CHEK2: variants seen among roughly 807,000 people sequenced by gnomAD.
The protein encoded by CHEK2 is serine/threonine-protein kinase Chk2.
CHEK2 carries 71 observed loss-of-function variants against 69.1 expected under a neutral mutation model. The observed-to-expected ratio is 1.03, with a 90% CI of 0.85 to 1.25. The LOEUF is 1.25. CHEK2 is among the 50% of genes most tolerant of loss of function. The probability of loss-of-function intolerance (pLI) is 0.00; values close to 1 mark genes in which losing one functional copy is unlikely to be tolerated. For missense variants in CHEK2, 664 were observed against 649.6 expected (o/e 1.02, Z -0.24); for synonymous variants, 189 against 226.9 (o/e 0.83, Z 1.50).
At chr22:28,729,927 T>C (rs115539291) in intron 2 of CHEK2, among the ~76,000 whole-genome samples, 1,870 of 150,878 alleles carry the variant, frequency 0.012, 47 homozygotes, top group African/African-American at 0.043. Flanking sequence ...CAGAAAGCAT[T>C]TTTTTTTTCT....
chr22:28,739,668 G>A (rs1053205397), intron 1 of CHEK2, among the ~76,000 whole-genome samples: 5 of 151,612 alleles, frequency 3.3e-5, no homozygotes, highest in African/African-American at 4.8e-5. Context: ...CAGCCTGGGC[G>A]ACAGAGTAAG....
At chr22:28,716,491 C>T (rs188781651) in intron 5 of CHEK2, among the ~76,000 whole-genome samples, 3 of 152,234 alleles carry the variant, frequency 2.0e-5, no homozygotes, top group East Asian at 1.9e-4. Flanking sequence ...GCCACCGTGC[C>T]CAGCCCATAC....
At chr22:28,715,098 T>A (rs929801403) in intron 5 of CHEK2, among the ~76,000 whole-genome samples, 10 of 152,218 alleles carry the variant, frequency 6.6e-5, no homozygotes, top group African/African-American at 2.4e-4. Flanking sequence ...CAGCCAGAGT[T>A]GCCCTTGAAA....
intron 7 of CHEK2, among the ~76,000 whole-genome samples, chr22:28,709,805 A>C (rs2053316785): frequency 6.6e-6 from 1 of 152,048 alleles, no homozygotes; most frequent in South Asian, 2.1e-4. Context: ...TTTAGTAGAC[A>C]GGGTTTCACC....
At chr22:28,726,855 C>A (rs1031906872) in intron 2 of CHEK2, among the ~76,000 whole-genome samples, 5 of 148,022 alleles carry the variant, frequency 3.4e-5, no homozygotes, top group Non-Finnish European at 7.4e-5. Flanking sequence ...TACCCCTCTC[C>A]CCTTGCTCAT....
chr22:28,728,983 G>A (rs80180694), intron 2 of CHEK2, among the ~76,000 whole-genome samples: 13 of 140,916 alleles, frequency 9.2e-5, no homozygotes, highest in African/African-American at 3.1e-4. Flanking sequence ...TCAAAAAAAA[G>A]AAAAAAGAAA....
intron 9 of CHEK2, among the ~76,000 whole-genome samples, chr22:28,699,243 T>A (rs1437436825): frequency 6.6e-6 from 1 of 152,110 alleles, no homozygotes; most frequent in African/African-American, 2.4e-5. Flanking sequence ...GCTCAAGTGA[T>A]CCTCCTGCCT....
At chr22:28,691,660 C>CAA (rs1302387937) in intron 13 of CHEK2, among the ~76,000 whole-genome samples, 1 of 152,218 alleles carries the variant, frequency 6.6e-6, no homozygotes, top group Non-Finnish European at 1.5e-5. Flanking sequence ...TGCACCAGTG[C>CAA]ACTCCAGTTT....
At chr22:28,701,952 C>A (rs2052868680) in intron 8 of CHEK2, among the ~76,000 whole-genome samples, 1 of 103,462 alleles carries the variant, frequency 9.7e-6, no homozygotes, top group Non-Finnish European at 2.0e-5. Context: ...ATCCCATATA[C>A]TATTTTTTTT....
chr22:28,708,540 G>C (rs1431551082), intron 7 of CHEK2, among the ~76,000 whole-genome samples: 1 of 152,048 alleles, frequency 6.6e-6, no homozygotes, highest in Non-Finnish European at 1.5e-5. Context: ...TCCACTCACA[G>C]AGTTCTAAAG....
intron 1 of CHEK2, among the ~76,000 whole-genome samples, chr22:28,738,477 C>A (rs1323043411): frequency 6.6e-6 from 1 of 152,136 alleles, no homozygotes; most frequent in Non-Finnish European, 1.5e-5. Context: ...TTCTCTAAAC[C>A]TGTTTTCTCA....
chr22:28,702,141 G>GTGTGTC (rs1022955343), intron 8 of CHEK2, among the ~76,000 whole-genome samples: 1 of 142,498 alleles, frequency 7.0e-6, no homozygotes, highest in Non-Finnish European at 1.6e-5. Context: ...GTGTCTGTGT[G>GTGTGTC]TGTGTGTGTG....
intron 6 of CHEK2, among the ~76,000 whole-genome samples, chr22:28,710,386 T>G (rs1458277120): frequency 6.6e-6 from 1 of 152,204 alleles, no homozygotes. Flanking sequence ...CTTGCCCTAG[T>G]CTCCACAGTC....
At chr22:28,723,014 GTTTC>G (rs1173816926) in intron 4 of CHEK2, among the ~76,000 whole-genome samples, 2 of 152,122 alleles carry the variant, frequency 1.3e-5, no homozygotes, top group Non-Finnish European at 2.9e-5. Flanking sequence ...AACGTCTATG[GTTTC>G]TTTAACTAAA....
At chr22:28,737,355 C>T (rs930821182) in intron 1 of CHEK2, 1 of 442,726 alleles carries the variant, frequency 2.3e-6, no homozygotes, top group African/African-American at 2.1e-5. Context: ...TTTACAGCTT[C>T]TCTTTACAAT....
chr22:28,738,918 T>C (rs778418125), intron 1 of CHEK2, among the ~76,000 whole-genome samples: 1 of 152,144 alleles, frequency 6.6e-6, no homozygotes, highest in Non-Finnish European at 1.5e-5. Context: ...AAGGGATGAA[T>C]AACCAGAATA....
rs121908704 is a variant in CHEK2, at chr22:28,695,768, T to C, written c.1201A>G (p.Thr401Ala). 6.2e-6 allele frequency: 10 copies of C among 1,613,718 alleles called. No individual in the cohort carries two copies. Among genetic ancestry groups the C allele is most frequent in the Non-Finnish European group, 7.6e-6 (9 of 1,179,750 alleles). ...LAPEVLVSVG[T>A]AGYNRAVDCW... is the part of the protein sequence containing the mutation. ...TCCACAGCACGGTTATACCCAGCAGTCCCAACAGAAACAAGAACTTCAGGC... is the reference window on the plus strand; with the variant it reads ...TCCACAGCACGGTTATACCCAGCAGCCCCAACAGAAACAAGAACTTCAGGC... The change falls in exon 11 of 15, where the codon ACT becomes GCT. Residue 401 changes from threonine (T) to alanine (A), a missense_variant. Physicochemically the swap from Thr to Ala is moderately conservative, Grantham distance 58. Transcript: ENST00000404276.
chr22:28,704,312 T>C (rs943290798), intron 7 of CHEK2, among the ~76,000 whole-genome samples: 2 of 143,294 alleles, frequency 1.4e-5, no homozygotes, highest in Admixed American at 1.4e-4. Context: ...TTTTTCTTTC[T>C]TTTTTTTTTA....
chr22:28,733,732 A>C (rs1488808334), intron 2 of CHEK2, among the ~76,000 whole-genome samples: 1 of 152,072 alleles, frequency 6.6e-6, no homozygotes, highest in East Asian at 1.9e-4. Context: ...CAGCCTGGCC[A>C]ACGTGGTGAA....
Sources: allele counts gnomAD v4.1 joint callset (sites outside exome capture counted in the v4.1 genomes callset), GRCh38; gene constraint gnomAD v4.1.1; transcripts MANE v1.5; gene names NCBI Gene and HGNC (gene_info 2026-07-23, HGNC 2026-07-21).